SORT1: variants seen among roughly 807,000 people sequenced by gnomAD.
SORT1 encodes sortilin.
Under a neutral mutation model 101.7 loss-of-function variants are expected in SORT1, and 39 were observed. That is an observed-to-expected ratio of 0.38 (90% CI 0.30 to 0.50). The LOEUF (loss-of-function observed/expected upper bound fraction) is 0.50. Ranked by LOEUF, SORT1 falls within the 20% of genes least tolerant of loss-of-function variation. The pLI is 0.90. For synonymous variants in SORT1, 396 were observed against 393.7 expected, an observed-to-expected ratio of 1.01 and a Z score of -0.07; for missense variants, 878 against 1,040.4, an observed-to-expected ratio of 0.84 and a Z score of 2.15.
At chr1:109,376,889 C>G (rs1219236241) in intron 1 of SORT1, among the ~76,000 whole-genome samples, 2 of 152,168 alleles carry the variant, frequency 1.3e-5, no homozygotes, top group East Asian at 3.8e-4. Flanking sequence ...TTGAAAAATG[C>G]AACTTTCAAA....
intron 8 of SORT1, 145 bp downstream of exon 8, chr1:109,345,606 C>A: frequency 1.5e-6 from 1 of 682,762 alleles, no homozygotes; most frequent in South Asian, 2.8e-5. Context: ...TCAGCCTTTG[C>A]AAAAAGAATC....
intron 11 of SORT1, among the ~76,000 whole-genome samples, chr1:109,333,013 C>T (rs779288163): frequency 2.0e-5 from 3 of 152,076 alleles, no homozygotes; most frequent in Non-Finnish European, 4.4e-5. Flanking sequence ...CTGCAACCTC[C>T]GCCTCCCAGG....
intron 15 of SORT1, among the ~76,000 whole-genome samples, chr1:109,321,275 T>C (rs919828538): frequency 2.6e-5 from 4 of 152,012 alleles, no homozygotes. Flanking sequence ...GGAAAGCCCA[T>C]CTAGTGGTGA....
At position 109,315,620 on chromosome 1, in the gene SORT1, C is replaced by T. The variant is rs182525875; in HGVS notation, c.2251-842G>A. On this transcript the variant is annotated intron_variant, in intron 17 of 19. Coordinates refer to ENST00000256637, the MANE Select transcript of SORT1 (RefSeq NM_002959.7). ...ACCTCTCCTATTACGAATTGGGAAACGGGCCTGCTGTTGAGCATCTGAAGT... is the reference window on the plus strand; with the variant it reads ...ACCTCTCCTATTACGAATTGGGAAATGGGCCTGCTGTTGAGCATCTGAAGT... Among the ~76,000 whole-genome samples the T allele has an allele frequency of 4.6e-5, 7 of 152,258 alleles. No individual in the cohort carries two copies. In the East Asian group the frequency reaches 7.7e-4, roughly 17 times the overall value.
chr1:109,392,152 G>C (rs1557830831), intron 1 of SORT1, among the ~76,000 whole-genome samples: 1 of 152,172 alleles, frequency 6.6e-6, no homozygotes, highest in African/African-American at 2.4e-5. Flanking sequence ...AAAAATTGAG[G>C]GGTAGGATTA....
At chr1:109,357,335 A>C (rs1421730930) in intron 3 of SORT1, among the ~76,000 whole-genome samples, 1 of 152,260 alleles carries the variant, frequency 6.6e-6, no homozygotes, top group Non-Finnish European at 1.5e-5. Context: ...TTGAATGTAC[A>C]TGATGTAAAT....
chr1:109,317,757 TA>T, intron 16 of SORT1, 95 bp downstream of exon 16: 1 of 860,182 alleles, frequency 1.2e-6, no homozygotes, highest in Non-Finnish European at 1.9e-6. Context: ...AATAGTGCTC[TA>T]AAGTAGGGCT....
chr1:109,385,594 G>A (rs1422696097), intron 1 of SORT1, among the ~76,000 whole-genome samples: 1 of 152,162 alleles, frequency 6.6e-6, no homozygotes, highest in African/African-American at 2.4e-5. Context: ...AACCATAAAG[G>A]CTTGCTGCTT....
rs183735160 is a variant in SORT1 at position 109,323,352 on chromosome 1, T to C, written c.1835-231A>G. Among the ~76,000 whole-genome samples the C allele has an allele frequency of 3.0e-3, 455 of 152,340 alleles. 7 individuals are homozygous for C. Among genetic ancestry groups the C allele is most frequent in the Non-Finnish European group, 9.7e-4 (66 of 68,038 alleles). On this transcript the variant is annotated intron_variant, in intron 14 of 19. Transcript: ENST00000256637. The stretch of plus-strand genomic sequence containing the variant: ...TTCCATCTCAACATCCATCTGAGGA[T>C]TAGGAAAAACCCTATTTGTTTTGAA...
rs763142044 is a variant in SORT1 at position 109,369,605 on chromosome 1, A to T, written c.307-16T>A. The T allele has an allele frequency of 2.5e-6, 4 of 1,570,812 alleles. No individual in the cohort carries two copies. Among genetic ancestry groups the T allele is most frequent in the Non-Finnish European group, 3.5e-6 (4 of 1,140,598 alleles). The stretch of plus-strand genomic sequence containing the variant: ...CAAACACATGCTATAAGGGGAAAAA[A>T]AATTAATTTAGAAATGACAGCCACT... On this transcript the variant is annotated splice_polypyrimidine_tract_variant and intron_variant, in intron 1 of 19. Transcript: ENST00000256637.
At chr1:109,340,653 G>C in intron 10 of SORT1, 71 bp downstream of exon 10, 1 of 1,498,538 alleles carries the variant, frequency 6.7e-7, no homozygotes, top group Non-Finnish European at 9.3e-7. Context: ...TAGGGGACAG[G>C]TTCCCCGAAG....
chr1:109,347,522 T>G lies in SORT1; in HGVS notation c.793A>C (p.Asn265His), dbSNP rs780899322. The stretch of plus-strand genomic sequence containing the variant: ...GCATAGGTTGTAAAGAAGATGGTGT[T>G]GTCTGATCCCCTACAATGAGGCAAA... ...AVCLAKWGSD[N>H]TIFFTTYANG... Residue 265 changes from asparagine to histidine, a missense_variant, in exon 7 of 20, where the codon AAC becomes CAC. Coordinates refer to ENST00000256637, the MANE Select transcript of SORT1 (RefSeq NM_002959.7). The G allele has an allele frequency of 9.3e-6, 15 of 1,610,496 alleles. No individual in the cohort carries two copies. The highest frequency in any genetic ancestry group is 3.3e-4 in the Middle Eastern group (2 of 6,072).
chr1:109,334,146 TAAAAAAAAG>T (rs1557790200), intron 11 of SORT1, among the ~76,000 whole-genome samples: 1 of 151,166 alleles, frequency 6.6e-6, no homozygotes, highest in African/African-American at 2.4e-5. Flanking sequence ...ACTGTGTCTT[TAAAAAAAAG>T]AAAAAAAAGA....
At position 109,310,320 on chromosome 1, in the gene SORT1, G is replaced by A. The variant is rs944213789; in HGVS notation, c.*3723C>T. The A allele has an allele frequency of 6.5e-6, 1 of 153,616 alleles. No individual in the cohort carries two copies. Among genetic ancestry groups the A allele is most frequent in the East Asian group, 1.9e-4 (1 of 5,188 alleles). The allele number at this position is 153,616 out of a possible 1,614,324, so 9.5% of individuals were successfully genotyped here. A position where few individuals can be genotyped will look rare whatever the true frequency, so the allele number is the denominator to read the frequency against. On this transcript the variant is annotated 3_prime_UTR_variant, in exon 20 of 20. Transcript: ENST00000256637. Reference sequence around the variant, plus strand: ...TGTTATTATAATGCAACCTAACCAAGAAATCAACATGCTCCTGCTATTTCA... The same window carrying A: ...TGTTATTATAATGCAACCTAACCAAAAAATCAACATGCTCCTGCTATTTCA...
At chr1:109,379,780 A>G (rs891883176) in intron 1 of SORT1, among the ~76,000 whole-genome samples, 4 of 152,222 alleles carry the variant, frequency 2.6e-5, no homozygotes, top group African/African-American at 7.2e-5. Context: ...TCAATAGAGC[A>G]AAACAGATCC....
At chr1:109,384,925 A>C (rs1238662074) in intron 1 of SORT1, among the ~76,000 whole-genome samples, 1 of 152,124 alleles carries the variant, frequency 6.6e-6, no homozygotes, top group Non-Finnish European at 1.5e-5. Context: ...TAAAAATGCA[A>C]AAATTAGCCA....
intron 1 of SORT1, among the ~76,000 whole-genome samples, chr1:109,374,406 C>T: frequency 6.6e-6 from 1 of 151,800 alleles, no homozygotes; most frequent in East Asian, 1.9e-4. Flanking sequence ...AATCCCGTCT[C>T]CACTAAAAAT....
intron 1 of SORT1, 156 bp downstream of exon 1, chr1:109,397,431 G>A: frequency 2.9e-6 from 1 of 347,798 alleles, no homozygotes; most frequent in Non-Finnish European, 4.1e-6. Flanking sequence ...GCCCGACTCC[G>A]CCCGCCCGCC....
chr1:109,346,436 T>A (rs1043931821), intron 7 of SORT1, among the ~76,000 whole-genome samples: 2 of 151,704 alleles, frequency 1.3e-5, no homozygotes, highest in Non-Finnish European at 2.9e-5. Flanking sequence ...TCTAATACAG[T>A]GTTTCATAAA....
Sources: allele counts gnomAD v4.1 joint callset (sites outside exome capture counted in the v4.1 genomes callset), GRCh38; gene constraint gnomAD v4.1.1; transcripts MANE v1.5; gene names NCBI Gene and HGNC (gene_info 2026-07-23, HGNC 2026-07-21).